NAV3: variants seen among roughly 807,000 people sequenced by gnomAD.
NAV3 encodes neuron navigator 3.
Under a neutral mutation model 244.7 loss-of-function variants are expected in NAV3, and 87 were observed. The observed-to-expected ratio is 0.36, with a 90% CI of 0.30 to 0.42. The LOEUF (loss-of-function observed/expected upper bound fraction) is 0.42, where lower values mean the gene tolerates loss of function less well. Ranked by LOEUF, NAV3 falls within the 20% of genes least tolerant of loss-of-function variation. NAV3 has a pLI of 1.00. For missense variants in NAV3, 2,663 were observed against 2,893.3 expected, an observed-to-expected ratio of 0.92 and a Z score of 1.83; for synonymous variants, 1,126 against 1,042.2, an observed-to-expected ratio of 1.08 and a Z score of -1.55.
At chr12:77,716,427 G>A (rs766481198) in intron 2 of NAV3, among the ~76,000 whole-genome samples, 1 of 151,604 alleles carries the variant, frequency 6.6e-6, no homozygotes, top group African/African-American at 2.4e-5. Context: ...GGTACAAGTG[G>A]CATAATATTG....
intron 2 of NAV3, among the ~76,000 whole-genome samples, chr12:77,807,697 G>A (rs1051191112): frequency 6.6e-5 from 10 of 152,142 alleles, no homozygotes; most frequent in South Asian, 4.1e-4. Flanking sequence ...GGTGTTCTCT[G>A]TGTTTCCTGA....
intron 2 of NAV3, among the ~76,000 whole-genome samples, chr12:77,793,714 A>T (rs1050917244): frequency 6.6e-6 from 1 of 152,176 alleles, no homozygotes; most frequent in Non-Finnish European, 1.5e-5. Context: ...TTCTTTATCC[A>T]GTCTATCATT....
intron 22 of NAV3, among the ~76,000 whole-genome samples, chr12:78,158,882 T>C (rs535165686): frequency 6.6e-6 from 1 of 152,300 alleles, no homozygotes; most frequent in Admixed American, 6.5e-5. Flanking sequence ...CAGAACTTTA[T>C]ATTCGGCATT....
At chr12:78,020,092 T>G (rs566186654) in intron 8 of NAV3, among the ~76,000 whole-genome samples, 19 of 152,254 alleles carry the variant, frequency 1.2e-4, no homozygotes, top group African/African-American at 4.1e-4. Context: ...AATAGAATAT[T>G]CCTTTGCTGA....
intron 9 of NAV3, among the ~76,000 whole-genome samples, chr12:78,024,706 G>T (rs567733912): frequency 1.3e-5 from 2 of 152,028 alleles, no homozygotes; most frequent in Non-Finnish European, 2.9e-5. Flanking sequence ...GGCCGGGTGC[G>T]GTGTCTCACA....
At chr12:77,909,274 C>T (rs1201862018) in intron 1 of NAV3, among the ~76,000 whole-genome samples, 1 of 151,966 alleles carries the variant, frequency 6.6e-6, no homozygotes, top group African/African-American at 2.4e-5. Flanking sequence ...AGTAGAGAAA[C>T]TTTCAGGAAC....
intron 2 of NAV3, among the ~76,000 whole-genome samples, chr12:77,604,112 A>G (rs1309200385): frequency 1.3e-5 from 2 of 152,108 alleles, no homozygotes; most frequent in East Asian, 1.9e-4. Context: ...AGAAACATGA[A>G]AAGAAACTCA....
chr12:77,649,472 A>C (rs1872733047), intron 2 of NAV3, among the ~76,000 whole-genome samples: 1 of 152,290 alleles, frequency 6.6e-6, no homozygotes, highest in Middle Eastern at 3.4e-3. Flanking sequence ...GGCATAAATT[A>C]GCACATCATG....
At chr12:77,822,164 C>G (rs1872770521) in intron 2 of NAV3, among the ~76,000 whole-genome samples, 1 of 152,104 alleles carries the variant, frequency 6.6e-6, no homozygotes, top group South Asian at 2.1e-4. Context: ...GCTCAACTAA[C>G]TCTATCAGTA....
At chr12:77,573,256 T>C (rs1441584154) in intron 2 of NAV3, among the ~76,000 whole-genome samples, 1 of 152,126 alleles carries the variant, frequency 6.6e-6, no homozygotes, top group East Asian at 1.9e-4. Context: ...TTCACAGTGG[T>C]GGAGGTAAGT....
chr12:77,905,742 T>G (rs1039998902), intron 1 of NAV3, among the ~76,000 whole-genome samples: 7 of 152,194 alleles, frequency 4.6e-5, no homozygotes, highest in Non-Finnish European at 7.4e-5. Context: ...AATTATCTTA[T>G]TGTTTACTAA....
At chr12:77,949,221 A>G (rs915748746) in intron 3 of NAV3, among the ~76,000 whole-genome samples, 1 of 152,058 alleles carries the variant, frequency 6.6e-6, no homozygotes, top group African/African-American at 2.4e-5. Flanking sequence ...TCAATGATGT[A>G]ATTATCACTT....
At chr12:78,155,882 G>A (rs902619110) in intron 22 of NAV3, among the ~76,000 whole-genome samples, 2 of 152,012 alleles carry the variant, frequency 1.3e-5, no homozygotes, top group Admixed American at 1.3e-4. Flanking sequence ...GAAGTTCCTT[G>A]TAGACTCTAG....
intron 17 of NAV3, 88 bp downstream of exon 17, chr12:78,127,296 A>T: frequency 3.9e-6 from 5 of 1,298,686 alleles, no homozygotes; most frequent in Non-Finnish European, 5.5e-6. Flanking sequence ...TTTGTTTGCA[A>T]TGTAGCACAT....
intron 17 of NAV3, among the ~76,000 whole-genome samples, chr12:78,127,444 T>C (rs150793467): frequency 9.7e-4 from 148 of 152,300 alleles, no homozygotes; most frequent in African/African-American, 3.2e-3. Context: ...TGAATATCAC[T>C]ATTTTGAAGA....
rs748048363 is a variant in NAV3 at position 78,194,842 on chromosome 12, T to A, written c.6292-2405T>A. Among the ~76,000 whole-genome samples the A allele has an allele frequency of 5.3e-5, 8 of 152,208 alleles. No individual in the cohort carries two copies. The South Asian group carries it at 8.3e-4, about 16-fold the overall frequency. On this transcript the variant is annotated intron_variant, in intron 34 of 39. Transcript: ENST00000397909. ...AAAGCTCTTCTGTTGTGTTTAAGCA[T>A]CAAGGTATTACCCAATCTTTAAAAT... is the stretch of plus-strand genomic sequence containing the variant.
At chr12:77,621,654 A>G (rs1256541423) in intron 2 of NAV3, among the ~76,000 whole-genome samples, 1 of 151,608 alleles carries the variant, frequency 6.6e-6, no homozygotes, top group Non-Finnish European at 1.5e-5. Flanking sequence ...TAATTTTTGT[A>G]TTTTTATTAG....
At chr12:78,090,966 G>C (rs1021506803) in intron 12 of NAV3, among the ~76,000 whole-genome samples, 343 of 145,498 alleles carry the variant, frequency 2.4e-3, no homozygotes, top group Middle Eastern at 3.5e-3. Context: ...GTGTGTGTGT[G>C]TGTGTGTGTG....
rs139086037 is a variant in NAV3 at position 77,637,515 on chromosome 12, T to C, written c.72+65249T>C. ...TATAGATATATAAGCAGCTACTATG[T>C]GCAAGTAATTGTCCTAAACACGTTA... On this transcript the variant is annotated intron_variant, in intron 2 of 8. Transcript: ENST00000550042. Among the ~76,000 whole-genome samples the C allele has an allele frequency of 1.5e-3, 223 of 152,284 alleles. 2 individuals are homozygous for C. Among genetic ancestry groups the C allele is most frequent in the Non-Finnish European group, 1.9e-3 (126 of 68,010 alleles).
Sources: allele counts gnomAD v4.1 joint callset (sites outside exome capture counted in the v4.1 genomes callset), GRCh38; gene constraint gnomAD v4.1.1; transcripts MANE v1.5; gene names NCBI Gene and HGNC (gene_info 2026-07-23, HGNC 2026-07-21).